Variants in NR2C1 observed in about 807,000 individuals in gnomAD.
NR2C1 encodes nuclear receptor subfamily 2 group C member 1.
NR2C1 carries 33 observed loss-of-function variants against 74.8 expected under a neutral mutation model. That is an observed-to-expected ratio of 0.44 (90% CI 0.33 to 0.59). The LOEUF is 0.59. Among genes scored for constraint, NR2C1 ranks in the 20% least tolerant of loss-of-function variants. The pLI is 0.02. For missense variants in NR2C1, 568 were observed against 715.6 expected (o/e 0.79, Z 2.35); for synonymous variants, 225 against 240.6 (o/e 0.94, Z 0.60).
chr12:95,038,498 CT>C (rs1565843942), intron 10 of NR2C1, among the ~76,000 whole-genome samples: 1 of 152,246 alleles, frequency 6.6e-6, no homozygotes, highest in Non-Finnish European at 1.5e-5. Context: ...AGGCTCACGC[CT>C]ATAACACCAG....
chr12:95,057,173 C>T (rs1874048254), intron 7 of NR2C1, among the ~76,000 whole-genome samples: 1 of 141,284 alleles, frequency 7.1e-6, no homozygotes, highest in South Asian at 2.2e-4. Flanking sequence ...GGCACTATCT[C>T]GGCTCACTGC....
intron 5 of NR2C1, 88 bp from the exon 6 acceptor site, chr12:95,057,966 A>C: frequency 7.4e-6 from 8 of 1,074,136 alleles, no homozygotes; most frequent in Non-Finnish European, 1.1e-5. Context: ...AATGCTGCTA[A>C]TAGGAGACAT....
chr12:95,026,290 A>G (rs1273219482), intron 12 of NR2C1, among the ~76,000 whole-genome samples: 3 of 152,142 alleles, frequency 2.0e-5, no homozygotes, highest in Admixed American at 6.5e-5. Context: ...CAAAAATTCT[A>G]TTTTTAGGTA....
At chr12:95,063,345 CAT>C (rs1348891185) in intron 2 of NR2C1, among the ~76,000 whole-genome samples, 2 of 152,194 alleles carry the variant, frequency 1.3e-5, no homozygotes, top group African/African-American at 2.4e-5. Flanking sequence ...GTGTTTGACA[CAT>C]GTGAGGCACA....
At chr12:95,051,543 A>G (rs1873009182) in intron 8 of NR2C1, among the ~76,000 whole-genome samples, 1 of 152,232 alleles carries the variant, frequency 6.6e-6, no homozygotes, top group Admixed American at 6.5e-5. Context: ...AAAGGCCTGC[A>G]TGGTACCCAG....
At chr12:95,028,842 T>C (rs1869696072) in intron 11 of NR2C1, among the ~76,000 whole-genome samples, 1 of 152,216 alleles carries the variant, frequency 6.6e-6, no homozygotes, top group Non-Finnish European at 1.5e-5. Flanking sequence ...TTGCCCAGGC[T>C]GTTCTTGAAC....
intron 4 of NR2C1, among the ~76,000 whole-genome samples, 172 bp from the exon 5 acceptor site, chr12:95,058,661 G>A (rs1288158990): frequency 6.6e-6 from 1 of 152,102 alleles, no homozygotes; most frequent in East Asian, 1.9e-4. Flanking sequence ...TTTTAGAGAC[G>A]GGATCTCGCT....
chr12:95,049,342 G>T, intron 8 of NR2C1, 109 bp from the exon 9 acceptor site: 1 of 1,095,464 alleles, frequency 9.1e-7, no homozygotes, highest in East Asian at 2.4e-5. Context: ...TGGCCAGGCT[G>T]GTCTAGAACT....
chr12:95,053,291 T>A (rs995010048), intron 7 of NR2C1, among the ~76,000 whole-genome samples: 1 of 152,134 alleles, frequency 6.6e-6, no homozygotes, highest in African/African-American at 2.4e-5. Flanking sequence ...ATTTTTTTAA[T>A]GTTTGTTGAA....
chr12:95,045,544 A>G lies in NR2C1; in HGVS notation c.1131+3524T>C, dbSNP rs187381028. Among the ~76,000 whole-genome samples, 3 of 152,306 alleles carry G rather than the reference A, an allele frequency of 2.0e-5. No homozygotes were observed. In the East Asian group the frequency reaches 5.8e-4, roughly 29 times the overall value. On this transcript the variant is annotated intron_variant, in intron 9 of 13. Coordinates refer to ENST00000333003, the MANE Select transcript of NR2C1 (RefSeq NM_003297.4). ...TGAAGAGGAAGGGAGAAATTCAAGCAATGGAATGGTTAAAATTCAGTTATG... is the reference window on the plus strand; with the variant it reads ...TGAAGAGGAAGGGAGAAATTCAAGCGATGGAATGGTTAAAATTCAGTTATG...
intron 10 of NR2C1, among the ~76,000 whole-genome samples, chr12:95,035,053 A>T (rs1870648213): frequency 6.6e-6 from 1 of 152,220 alleles, no homozygotes; most frequent in Non-Finnish European, 1.5e-5. Flanking sequence ...AATGTCTACT[A>T]ATAAGGAATG....
In NR2C1 at chr12:95,020,512, G is replaced by A. The variant is rs189606394; in HGVS notation, c.*1717C>T. 1.2e-3 allele frequency: 178 copies of A among 152,078 alleles called. No homozygotes were observed. Among genetic ancestry groups the A allele is most frequent in the African/African-American group, 4.2e-3 (173 of 41,488 alleles). 9.4% of individuals were successfully genotyped at this position (152,078 alleles called of 1,614,324 possible). A position where few individuals can be genotyped will look rare whatever the true frequency, so the allele number is the denominator to read the frequency against. On this transcript the variant is annotated 3_prime_UTR_variant, in exon 14 of 14. Transcript: ENST00000333003. ...GCTGATAATTATAAATAAAATTGTTGACTAAGATCATGTTTTAAATAGGGA... is the reference window on the plus strand; with the variant it reads ...GCTGATAATTATAAATAAAATTGTTAACTAAGATCATGTTTTAAATAGGGA...
intron 7 of NR2C1, among the ~76,000 whole-genome samples, chr12:95,056,989 A>C (rs1202214971): frequency 6.6e-6 from 1 of 151,456 alleles, no homozygotes; most frequent in Admixed American, 6.6e-5. Context: ...TTTTACACCT[A>C]TAATAAATGT....
intron 7 of NR2C1, among the ~76,000 whole-genome samples, chr12:95,056,518 T>A (rs1353080523): frequency 3.3e-5 from 5 of 152,232 alleles, no homozygotes; most frequent in Non-Finnish European, 7.3e-5. Context: ...CTTGCAGTCC[T>A]ATTCCTACTC....
chr12:95,025,253 G>T lies in NR2C1; in HGVS notation c.1534C>A (p.His512Asn). 6.5e-7 allele frequency: 1 copy of T among 1,536,694 alleles called. No homozygotes were observed. The highest frequency in any genetic ancestry group is 8.9e-7 in the Non-Finnish European group (1 of 1,118,368). Residue 512 changes from histidine (H) to asparagine (N), a missense_variant and splice_region_variant, in exon 13 of 14, where the codon CAT (histidine) becomes AAT (asparagine). Physicochemically the swap from His to Asn is moderately conservative, Grantham distance 68. This residue lies in a region of NR2C1 where 117 missense variants were observed against 186.7 expected (regional missense o/e 0.63). Transcript: ENST00000333003. ...LKAIVLFSPD[H>N]PSLENMEQIE... ...TGTTCCATGTTTTCTAGGCTTGGAT[G>T]ATCTGAAACATTAAAGAAAACATTG...
intron 1 of NR2C1, among the ~76,000 whole-genome samples, chr12:95,068,581 G>C (rs926872561): frequency 2.0e-5 from 3 of 152,164 alleles, no homozygotes; most frequent in African/African-American, 7.2e-5. Context: ...GATTACCGGA[G>C]ATCAGGAGTT....
chr12:95,054,413 T>A (rs1173918827), intron 7 of NR2C1, among the ~76,000 whole-genome samples: 1 of 151,764 alleles, frequency 6.6e-6, no homozygotes, highest in Admixed American at 6.6e-5. Context: ...GCTCAAGTAA[T>A]CCTCTGCCTC....
intron 9 of NR2C1, among the ~76,000 whole-genome samples, chr12:95,048,621 A>T (rs921551779): frequency 8.1e-6 from 1 of 123,762 alleles, no homozygotes; most frequent in Non-Finnish European, 1.6e-5. Flanking sequence ...TATGCAGATG[A>T]GTTTTTTTTT....
rs1868829871 is a variant in NR2C1 at position 95,022,048 on chromosome 12, A to T, written c.*181T>A. The T allele has an allele frequency of 8.6e-6, 4 of 463,042 alleles. No individual in the cohort carries two copies. The South Asian group carries it at 1.8e-4, about 21-fold the overall frequency. 28.7% of individuals were successfully genotyped at this position (463,042 alleles called of 1,614,324 possible). A position where few individuals can be genotyped will look rare whatever the true frequency, so the allele number is the denominator to read the frequency against. On this transcript the variant is annotated 3_prime_UTR_variant, in exon 14 of 14. Transcript: ENST00000333003. ...AGGAATCAGGAAGAAAAATTCATTT[A>T]ATTTCTGCTGCCTGCCCAGTCACTT...
Sources: allele counts gnomAD v4.1 joint callset (sites outside exome capture counted in the v4.1 genomes callset), GRCh38; gene constraint gnomAD v4.1.1; regional missense constraint gnomAD v4.1.1; transcripts MANE v1.5; gene names NCBI Gene and HGNC (gene_info 2026-07-23, HGNC 2026-07-21).